The following ESRRB variants were observed in gnomAD, a reference collection of about 807,000 sequenced individuals.
ESRRB encodes the protein steroid hormone receptor ERR2.
Under a neutral mutation model 46.0 loss-of-function variants are expected in ESRRB, and 16 were observed. The observed-to-expected ratio is 0.35, with a 90% CI of 0.24 to 0.53. The LOEUF is 0.53. Ranked by LOEUF, ESRRB falls within the 20% of genes least tolerant of loss-of-function variation. The probability of loss-of-function intolerance (pLI) is 0.93; values close to 1 mark genes in which losing one functional copy is unlikely to be tolerated. For missense variants in ESRRB, 488 were observed against 607.4 expected (o/e 0.80, Z 2.07); for synonymous variants, 246 against 259.6 (o/e 0.95, Z 0.50).
At chr14:76,404,639 C>T (rs1886095219) in intron 1 of ESRRB, among the ~76,000 whole-genome samples, 1 of 152,180 alleles carries the variant, frequency 6.6e-6, no homozygotes, top group South Asian at 2.1e-4. Flanking sequence ...CTCCTTTTCT[C>T]CCTCCCCTTC....
rs1433241382 is a variant in ESRRB, at chr14:76,376,278, C to T, written c.-124C>T. 2 of 697,680 alleles carry T rather than the reference C, an allele frequency of 2.9e-6. No homozygotes were observed. The highest frequency in any genetic ancestry group is 4.3e-5 in the Admixed American group (1 of 23,046). 43.2% of individuals were successfully genotyped at this position (697,680 alleles called of 1,614,324 possible). ...CCCCCGCCGCGGCCGCCTCCTCCCA[C>T]TCTGCGTTCTCGCGCTCACTGTGCC... On this transcript the variant is annotated 5_prime_UTR_variant, in exon 1 of 7. Coordinates refer to ENST00000644823, the MANE Select transcript of ESRRB (RefSeq NM_001379180.1). This position sits in a 1 kb window ranked among gnomAD's most constrained non-coding sequence, Gnocchi z 4.1.
At chr14:76,411,123 T>C (rs1426938821) in intron 1 of ESRRB, among the ~76,000 whole-genome samples, 1 of 152,014 alleles carries the variant, frequency 6.6e-6, no homozygotes, top group African/African-American at 2.4e-5. Context: ...GCTATCGTTT[T>C]GTCCACTTAT....
intron 2 of ESRRB, among the ~76,000 whole-genome samples, chr14:76,459,868 G>C (rs1888778369): frequency 6.6e-6 from 1 of 152,020 alleles, no homozygotes; most frequent in African/African-American, 2.4e-5. Flanking sequence ...TGGGGAGAAA[G>C]GTGGTGCCTG....
intron 1 of ESRRB, among the ~76,000 whole-genome samples, chr14:76,332,630 TTA>T (rs1373986417): frequency 0.025 from 937 of 37,818 alleles, 15 homozygotes; most frequent in Non-Finnish European, 0.03. Flanking sequence ...TAAATATATA[TTA>T]TATATATTTA....
chr14:76,490,364 G>A (rs12880920), intron 5 of ESRRB, among the ~76,000 whole-genome samples: 25,771 of 152,194 alleles, frequency 0.17, 2,691 homozygotes, highest in Non-Finnish European at 0.23. Context: ...CCTAATTTAA[G>A]TGCATGTATA....
chr14:76,378,954 C>G (rs1253289282), intron 1 of ESRRB, among the ~76,000 whole-genome samples: 1 of 152,116 alleles, frequency 6.6e-6, no homozygotes, highest in African/African-American at 2.4e-5. Context: ...CTGTTTTGAC[C>G]CCTGTGGATT....
At chr14:76,459,227 T>C (rs1394367326) in intron 2 of ESRRB, among the ~76,000 whole-genome samples, 2 of 152,120 alleles carry the variant, frequency 1.3e-5, no homozygotes, top group African/African-American at 4.8e-5. Flanking sequence ...AAAGCAGAGC[T>C]GTGGCTGCTC....
chr14:76,348,294 G>T (rs1161132127), intron 1 of ESRRB, among the ~76,000 whole-genome samples: 1 of 152,168 alleles, frequency 6.6e-6, no homozygotes, highest in Non-Finnish European at 1.5e-5. Flanking sequence ...CCCTGTGGTG[G>T]GTGTCTGGGG....
chr14:76,316,919 G>A (rs929052552), intron 1 of ESRRB, among the ~76,000 whole-genome samples: 1 of 152,046 alleles, frequency 6.6e-6, no homozygotes, highest in Non-Finnish European at 1.5e-5. Context: ...TCCCCTTTCT[G>A]AGCCATACCT....
chr14:76,314,548 C>G (rs1883774834), intron 1 of ESRRB, among the ~76,000 whole-genome samples: 1 of 152,152 alleles, frequency 6.6e-6, no homozygotes, highest in Non-Finnish European at 1.5e-5. Context: ...CAGTCTTCCC[C>G]TTTAGCACAC....
chr14:76,387,145 G>A (rs186739822), intron 1 of ESRRB, among the ~76,000 whole-genome samples: 389 of 152,336 alleles, frequency 2.6e-3, no homozygotes, highest in African/African-American at 9.0e-3. Context: ...GTGGATCAGG[G>A]AGGGTTAGGA....
chr14:76,322,453 G>A lies in ESRRB; in HGVS notation c.2+11537G>A, dbSNP rs920100553. On this transcript the variant is annotated intron_variant, in intron 1 of 6. Coordinates refer to the ESRRB transcript ENST00000512784. ...TGCTCATTTTCCCCTACCTTATCAC[G>A]TCCACACCTTCCTGGCCCCATCTCC... Among the ~76,000 whole-genome samples the A allele has an allele frequency of 3.3e-5, 5 of 152,080 alleles. No homozygotes were observed. The East Asian group carries it at 7.7e-4, about 23-fold the overall frequency.
intron 3 of ESRRB, among the ~76,000 whole-genome samples, chr14:76,465,660 G>T (rs1002415432): frequency 1.2e-4 from 18 of 152,208 alleles, no homozygotes; most frequent in Admixed American, 1.2e-3. Context: ...TAGCCCTTTG[G>T]TTGATGGTCT....
At chr14:76,444,539 G>A (rs1276891977) in intron 2 of ESRRB, among the ~76,000 whole-genome samples, 4 of 151,806 alleles carry the variant, frequency 2.6e-5, no homozygotes, top group African/African-American at 9.7e-5. Context: ...GCTGGAATCT[G>A]TTGTGGGTTT....
At chr14:76,493,830 A>T (rs1427225175) in intron 6 of ESRRB, among the ~76,000 whole-genome samples, 1 of 152,204 alleles carries the variant, frequency 6.6e-6, no homozygotes, top group Non-Finnish European at 1.5e-5. Flanking sequence ...CTAGCTGCTA[A>T]CAGTTCAGAG....
intron 1 of ESRRB, among the ~76,000 whole-genome samples, chr14:76,387,510 C>T (rs537215440): frequency 6.6e-6 from 1 of 152,208 alleles, no homozygotes; most frequent in African/African-American, 2.4e-5. Flanking sequence ...TTCACCTTTC[C>T]GAGCCCTGCT....
At position 76,318,350 on chromosome 14, in the gene ESRRB, G is replaced by A. The variant is rs149067130; in HGVS notation, c.2+7434G>A. Among the ~76,000 whole-genome samples, 79 of 152,320 alleles carry A rather than the reference G, an allele frequency of 5.2e-4. No homozygotes were observed. The East Asian group carries it at 5.8e-3, about 11-fold the overall frequency. On this transcript the variant is annotated intron_variant, in intron 1 of 6. Coordinates refer to the ESRRB transcript ENST00000512784. ...CTGTAGCTTAATTCCTTCACCTGCC[G>A]AGTGGGGCTGACACCTCCTCTGAGT...
At position 76,501,612 on chromosome 14, in the gene ESRRB, C is replaced by G. The variant is rs1890662042; in HGVS notation, c.*3154C>G. On this transcript the variant is annotated 3_prime_UTR_variant, in exon 7 of 7. Coordinates refer to ENST00000644823, the MANE Select transcript of ESRRB (RefSeq NM_001379180.1). ...CACGGAACAGCACCAAAGAAAAGCA[C>G]TATGTGGAAAGATTGTTTTATTTTC... The G allele has an allele frequency of 6.6e-6, 1 of 152,160 alleles. No homozygotes were observed. The highest frequency in any genetic ancestry group is 2.4e-5 in the African/African-American group (1 of 41,432). The allele number at this position is 152,160 out of a possible 1,614,324, so 9.4% of individuals were successfully genotyped here.
chr14:76,351,243 C>T (rs1337981475), intron 1 of ESRRB, among the ~76,000 whole-genome samples: 2 of 152,228 alleles, frequency 1.3e-5, no homozygotes, highest in East Asian at 3.8e-4. Flanking sequence ...GTACCACACA[C>T]TGAGTGGCTT....
Sources: allele counts gnomAD v4.1 joint callset (sites outside exome capture counted in the v4.1 genomes callset), GRCh38; gene constraint gnomAD v4.1.1; non-coding constraint Gnocchi (gnomAD v3.1); transcripts MANE v1.5; gene names NCBI Gene and HGNC (gene_info 2026-07-23, HGNC 2026-07-21).